ORC2: variants seen among roughly 807,000 people sequenced by gnomAD.
The protein encoded by ORC2 is origin recognition complex subunit 2.
ORC2 carries 37 observed loss-of-function variants against 77.7 expected under a neutral mutation model. That is an observed-to-expected ratio of 0.48 (90% CI 0.37 to 0.63). The LOEUF (loss-of-function observed/expected upper bound fraction) is 0.63. Ranked by LOEUF, ORC2 falls within the 20% of genes least tolerant of loss-of-function variation. The pLI, the probability that ORC2 is intolerant of heterozygous loss-of-function variation, is 0.00. For synonymous variants in ORC2, 201 were observed against 229.5 expected (o/e 0.88, Z 1.12); for missense variants, 557 against 661.9 (o/e 0.84, Z 1.74).
At chr2:200,929,962 T>C (rs1241748094) in intron 11 of ORC2, among the ~76,000 whole-genome samples, 1 of 152,098 alleles carries the variant, frequency 6.6e-6, no homozygotes, top group Admixed American at 6.6e-5. Flanking sequence ...CACCCAAGTA[T>C]AAACTTCTAA....
intron 11 of ORC2, among the ~76,000 whole-genome samples, chr2:200,930,506 CTTTTTTT>C (rs572005723): frequency 7.3e-6 from 1 of 136,300 alleles, no homozygotes; most frequent in South Asian, 2.4e-4. Context: ...CCTAGCATAA[CTTTTTTT>C]TTTTTTTTTT....
chr2:200,913,290 C>T lies in ORC2; in HGVS notation c.1647+5G>A, dbSNP rs2040582808. 3 of 1,585,986 alleles carry T rather than the reference C, an allele frequency of 1.9e-6. No homozygotes were observed. Among genetic ancestry groups the T allele is most frequent in the Non-Finnish European group, 2.6e-6 (3 of 1,162,048 alleles). The stretch of plus-strand genomic sequence containing the variant: ...GCATACAATGCTACAATAGTGGAGT[C>T]TTACCTTCTTTGTTCTTATAAGCTT... On this transcript the variant is annotated splice_donor_5th_base_variant and intron_variant, in intron 17 of 17. Transcript: ENST00000234296.
chr2:200,933,774 C>A, intron 10 of ORC2, 102 bp downstream of exon 10: 1 of 614,188 alleles, frequency 1.6e-6, no homozygotes, highest in South Asian at 2.2e-5. Flanking sequence ...TTGATCAGGA[C>A]AATAATTCTA....
chr2:200,951,119 G>A (rs1036896241), intron 4 of ORC2, among the ~76,000 whole-genome samples: 1 of 152,188 alleles, frequency 6.6e-6, no homozygotes, highest in South Asian at 2.1e-4. Context: ...GAATCATACA[G>A]TATGTAGCCT....
At chr2:200,919,308 C>T (rs2040715634) in intron 15 of ORC2, among the ~76,000 whole-genome samples, 1 of 152,056 alleles carries the variant, frequency 6.6e-6, no homozygotes, top group South Asian at 2.1e-4. Context: ...ATGCTTTTGT[C>T]AGGGGGTAAA....
intron 4 of ORC2, among the ~76,000 whole-genome samples, chr2:200,956,180 G>A (rs976553053): frequency 1.3e-4 from 20 of 151,024 alleles, no homozygotes; most frequent in African/African-American, 2.7e-4. Context: ...AATCCTCTGC[G>A]TTAGCCTCCC....
chr2:200,915,844 C>T (rs1453650336), intron 15 of ORC2, among the ~76,000 whole-genome samples: 1 of 152,042 alleles, frequency 6.6e-6, no homozygotes, highest in Non-Finnish European at 1.5e-5. Flanking sequence ...CAGGTGGACA[C>T]CACCACGCCC....
intron 1 of ORC2, among the ~76,000 whole-genome samples, chr2:200,962,798 T>G (rs538703874): frequency 3.3e-5 from 5 of 152,334 alleles, no homozygotes; most frequent in Admixed American, 2.0e-4. Context: ...TTCTTCAGAT[T>G]GCAATTTAAC....
At chr2:200,934,316 T>C (rs868708057) in intron 9 of ORC2, among the ~76,000 whole-genome samples, 1 of 151,992 alleles carries the variant, frequency 6.6e-6, no homozygotes, top group African/African-American at 2.4e-5. Flanking sequence ...AAGTCTTTTT[T>C]TTTTCCTTTC....
intron 2 of ORC2, among the ~76,000 whole-genome samples, chr2:200,959,157 T>C (rs2041524718): frequency 6.6e-6 from 1 of 152,144 alleles, no homozygotes; most frequent in Admixed American, 6.6e-5. Flanking sequence ...CAGGTTTTCC[T>C]TTTTTTGTAG....
intron 8 of ORC2, among the ~76,000 whole-genome samples, chr2:200,936,404 C>A (rs1454574441): frequency 6.6e-6 from 1 of 152,026 alleles, no homozygotes; most frequent in Non-Finnish European, 1.5e-5. Flanking sequence ...TCCTCAATTA[C>A]GGAAGAAAAG....
chr2:200,934,057 A>G (rs938204172), intron 9 of ORC2, 83 bp from the exon 10 acceptor site: 23 of 648,760 alleles, frequency 3.5e-5, no homozygotes, highest in African/African-American at 2.7e-4. Flanking sequence ...TTAATGTAAA[A>G]TAGGACACGT....
chr2:200,945,607 A>T (rs2125010898), intron 5 of ORC2, among the ~76,000 whole-genome samples: 1 of 152,270 alleles, frequency 6.6e-6, no homozygotes, highest in East Asian at 1.9e-4. Flanking sequence ...AAAAAAAAAT[A>T]GGGCATAAAT....
At chr2:200,921,927 G>A (rs957988420) in intron 13 of ORC2, among the ~76,000 whole-genome samples, 14 of 152,010 alleles carry the variant, frequency 9.2e-5, no homozygotes, top group African/African-American at 2.2e-4. Context: ...GTGAGCCGCC[G>A]TGCTCAGCCT....
chr2:200,936,034 A>G, intron 8 of ORC2, 142 bp from the exon 9 acceptor site: 1 of 586,254 alleles, frequency 1.7e-6, no homozygotes, highest in South Asian at 2.4e-5. Context: ...CACCAGAGCT[A>G]ATTAACAAAT....
At chr2:200,948,667 A>T (rs1559021039) in intron 5 of ORC2, among the ~76,000 whole-genome samples, 1 of 151,920 alleles carries the variant, frequency 6.6e-6, no homozygotes, top group Non-Finnish European at 1.5e-5. Flanking sequence ...GGTTCAAGTG[A>T]TTCTCCTGCC....
Position 200,949,693 on chromosome 2 carries a change from C to T in ORC2, c.239-50G>A, listed in dbSNP as rs746230157. 8.8e-6 allele frequency: 10 copies of T among 1,130,178 alleles called. 1 individual carries two copies. In the South Asian group the frequency reaches 1.4e-4, roughly 15 times the overall value. The allele number at this position is 1,130,178 out of a possible 1,614,324, so 70.0% of individuals were successfully genotyped here. On this transcript the variant is annotated intron_variant, in intron 4 of 17. Coordinates refer to ENST00000234296, the MANE Select transcript of ORC2 (RefSeq NM_006190.5). The stretch of plus-strand genomic sequence containing the variant: ...ATTTAGGAAAAAAGAACAAAATTAA[C>T]AGAAAAAAATTTTAACAAAAAAACT...
intron 1 of ORC2, among the ~76,000 whole-genome samples, chr2:200,961,783 T>C (rs993477359): frequency 3.9e-5 from 6 of 152,118 alleles, no homozygotes; most frequent in Admixed American, 3.9e-4. Flanking sequence ...AGAAAAAATA[T>C]AAAGGAAAGC....
rs766419145 is a variant in ORC2, at chr2:200,933,879, A to G, written c.804T>C (p.Asp268=). Residue 268 remains aspartate (D), a synonymous_variant, in exon 10 of 18, where the codon GAT becomes GAC. Coordinates refer to ENST00000234296, the MANE Select transcript of ORC2 (RefSeq NM_006190.5). Reference sequence around the variant, plus strand: ...AGTAACATTCCTTGTAACATACCTGATCCAGTTTAGCTCTCTTTAGCTTCT... The same window carrying G: ...AGTAACATTCCTTGTAACATACCTGGTCCAGTTTAGCTCTCTTTAGCTTCT... The part of the protein sequence containing the change: ...TLQKLKRAKL[D]QQTLRNLLSK... 31 of 1,586,114 alleles carry G rather than the reference A, an allele frequency of 2.0e-5. No individual in the cohort carries two copies. Among genetic ancestry groups the G allele is most frequent in the African/African-American group, 1.4e-5 (1 of 73,972 alleles).
Sources: allele counts gnomAD v4.1 joint callset (sites outside exome capture counted in the v4.1 genomes callset), GRCh38; gene constraint gnomAD v4.1.1; transcripts MANE v1.5; gene names NCBI Gene and HGNC (gene_info 2026-07-23, HGNC 2026-07-21).